Variants in VPS13B observed in about 807,000 individuals in gnomAD.
The protein encoded by VPS13B is intermembrane lipid transfer protein VPS13B.
Under a neutral mutation model 426.4 loss-of-function variants are expected in VPS13B, and 285 were observed. The ratio of observed to expected loss-of-function variants is 0.67; its 90% CI spans 0.61 to 0.74. The LOEUF (loss-of-function observed/expected upper bound fraction) is 0.74. Ranked by LOEUF, VPS13B falls within the 30% of genes least tolerant of loss-of-function variation. VPS13B has a pLI of 0.00. For missense variants in VPS13B, 4,537 were observed against 4,782.6 expected (o/e 0.95, Z 1.51); for synonymous variants, 1,676 against 1,676.4 (o/e 1.00, Z 0.01).
intron 31 of VPS13B, among the ~76,000 whole-genome samples, chr8:99,571,368 A>G (rs965583078): frequency 3.9e-5 from 6 of 152,070 alleles, no homozygotes; most frequent in Non-Finnish European, 5.9e-5. Flanking sequence ...AAGATTTTCA[A>G]TGATTTTTAA....
At chr8:99,421,484 G>A (rs991940431) in intron 21 of VPS13B, among the ~76,000 whole-genome samples, 3 of 152,080 alleles carry the variant, frequency 2.0e-5, no homozygotes, top group African/African-American at 7.2e-5. Flanking sequence ...AATAGAAAAG[G>A]CAGCATAACA....
intron 4 of VPS13B, among the ~76,000 whole-genome samples, chr8:99,101,232 C>T (rs1022900439): frequency 2.0e-5 from 3 of 152,116 alleles, no homozygotes; most frequent in African/African-American, 7.2e-5. Flanking sequence ...CCTGGGTTCA[C>T]ACCATCCTCC....
In VPS13B at chr8:99,642,127, A is replaced by G. The variant is rs745825252; in HGVS notation, c.5537A>G (p.Asp1846Gly). The G allele has an allele frequency of 1.2e-6, 2 of 1,614,156 alleles. No individual in the cohort carries two copies. Among genetic ancestry groups the G allele is most frequent in the Non-Finnish European group, 1.7e-6 (2 of 1,180,004 alleles). Residue 1846 changes from aspartate (D) to glycine (G), a missense_variant, in exon 34 of 62, where the codon GAC becomes GGC. This residue lies in a region of VPS13B where 4,311 missense variants were observed against 4,474.3 expected (regional missense o/e 0.96). Coordinates refer to ENST00000357162, the MANE Select transcript of VPS13B (RefSeq NM_152564.5). ...SQEQKNNEKT[D>G]KSSLNLPEVD... ...GAACAGAAGAATAATGAAAAAACAG[A>G]CAAGAGTTCATTAAATCTCCCAGAA... is the stretch of plus-strand genomic sequence containing the variant.
At chr8:99,848,646 C>A in intron 54 of VPS13B, 130 bp from the exon 55 acceptor site, 1 of 882,262 alleles carries the variant, frequency 1.1e-6, no homozygotes, top group South Asian at 1.3e-5. Flanking sequence ...AGCCCGTACA[C>A]ATGGATATAA....
chr8:99,612,031 G>A (rs1827864228), intron 33 of VPS13B, among the ~76,000 whole-genome samples: 1 of 151,984 alleles, frequency 6.6e-6, no homozygotes, highest in African/African-American at 2.4e-5. Context: ...TTTCAAAAGG[G>A]GGAACTGAGA....
intron 22 of VPS13B, among the ~76,000 whole-genome samples, chr8:99,433,243 G>A (rs1817206636): frequency 6.6e-6 from 1 of 152,150 alleles, no homozygotes; most frequent in Non-Finnish European, 1.5e-5. Context: ...CACCCACCAT[G>A]GGAAATGATT....
At chr8:99,245,005 C>A (rs898010458) in intron 17 of VPS13B, among the ~76,000 whole-genome samples, 1 of 152,220 alleles carries the variant, frequency 6.6e-6, no homozygotes, top group Non-Finnish European at 1.5e-5. Flanking sequence ...ACATAGAGAA[C>A]TGTAAGTGAA....
chr8:99,028,389 G>A (rs1842258987), intron 2 of VPS13B, among the ~76,000 whole-genome samples: 1 of 147,546 alleles, frequency 6.8e-6, no homozygotes, highest in South Asian at 2.1e-4. Flanking sequence ...CCGGGCGGGG[G>A]GCTGACCCCC....
At chr8:99,724,666 T>C (rs893855467) in intron 39 of VPS13B, among the ~76,000 whole-genome samples, 1 of 152,116 alleles carries the variant, frequency 6.6e-6, no homozygotes, top group African/African-American at 2.4e-5. Flanking sequence ...GCATTACACA[T>C]AGTGAGCTCT....
rs188599942 is a variant in VPS13B, at chr8:99,253,263, A to T, written c.2516-20935A>T. On this transcript the variant is annotated intron_variant, in intron 17 of 61. Coordinates refer to ENST00000357162, the MANE Select transcript of VPS13B (RefSeq NM_152564.5). ...AGAGTTAGATATTTGAGTTGTTTCC[A>T]CTTTTTGGCTATTAGAAATAATGGT... 1.7e-3 allele frequency among the ~76,000 whole-genome samples: 264 copies of T among 152,104 alleles called. 1 individual carries two copies. Among genetic ancestry groups the T allele is most frequent in the Non-Finnish European group, 3.2e-3 (215 of 67,942 alleles).
chr8:99,622,893 CTGTT>C (rs1342654774), intron 33 of VPS13B, among the ~76,000 whole-genome samples: 3 of 152,188 alleles, frequency 2.0e-5, no homozygotes, highest in African/African-American at 7.2e-5. Context: ...ACTACCTTCA[CTGTT>C]TGTCTCTCTT....
chr8:99,162,071 C>A (rs1811689356), intron 15 of VPS13B, among the ~76,000 whole-genome samples: 2 of 152,104 alleles, frequency 1.3e-5, no homozygotes, highest in Admixed American at 1.3e-4. Context: ...AGCCTTGAAT[C>A]TTGTCTTGAA....
In VPS13B at chr8:99,442,480, C is replaced by T; in HGVS notation, c.3290C>T (p.Pro1097Leu). The change falls in exon 23 of 62, where the codon CCT becomes CTT. Residue 1097 changes from proline (P) to leucine (L), a missense_variant. Transcript: ENST00000357162. The stretch of plus-strand genomic sequence containing the variant: ...AGTACAATTGTATCTGGTGACATTC[C>T]TGGAACAGTAAGAAGTTGGTACCAT... Reference protein sequence around the residue: ...SPSTIVSGDIPGTVRSWYHGQ... With the variant: ...SPSTIVSGDILGTVRSWYHGQ... 6.2e-7 allele frequency: 1 copy of T among 1,613,888 alleles called. No homozygotes were observed. The highest frequency in any genetic ancestry group is 1.1e-5 in the South Asian group (1 of 91,066).
intron 56 of VPS13B, among the ~76,000 whole-genome samples, 161 bp downstream of exon 56, chr8:99,854,417 C>T (rs1023168943): frequency 6.6e-6 from 1 of 152,166 alleles, no homozygotes; most frequent in Non-Finnish European, 1.5e-5. Flanking sequence ...TAGAGCCTGC[C>T]ACTGTTAGCT....
intron 20 of VPS13B, among the ~76,000 whole-genome samples, chr8:99,388,924 G>A (rs1262050774): frequency 6.6e-6 from 1 of 152,244 alleles, no homozygotes; most frequent in Non-Finnish European, 1.5e-5. Context: ...GCTGAGGCAG[G>A]TGGATCATGA....
chr8:99,423,645 T>C (rs146761966), intron 21 of VPS13B, among the ~76,000 whole-genome samples: 9 of 152,208 alleles, frequency 5.9e-5, no homozygotes, highest in African/African-American at 2.2e-4. Flanking sequence ...ATTTTCCCCA[T>C]ATATAAAACA....
chr8:99,740,779 A>G (rs1203701360), intron 39 of VPS13B, among the ~76,000 whole-genome samples: 1 of 152,198 alleles, frequency 6.6e-6, no homozygotes, highest in Non-Finnish European at 1.5e-5. Context: ...ATGCTGAGAG[A>G]TTTTGTCACC....
intron 19 of VPS13B, chr8:99,341,707 G>C: frequency 2.6e-6 from 1 of 387,818 alleles, no homozygotes; most frequent in South Asian, 2.4e-5. Flanking sequence ...AAATGTATTA[G>C]ATATTCTGGG....
chr8:99,222,019 A>G (rs1467025108), intron 17 of VPS13B, among the ~76,000 whole-genome samples: 1 of 152,216 alleles, frequency 6.6e-6, no homozygotes, highest in East Asian at 1.9e-4. Context: ...TTACTTATCT[A>G]CTGCTCTTGG....
Sources: allele counts gnomAD v4.1 joint callset (sites outside exome capture counted in the v4.1 genomes callset), GRCh38; gene constraint gnomAD v4.1.1; regional missense constraint gnomAD v4.1.1; transcripts MANE v1.5; gene names NCBI Gene and HGNC (gene_info 2026-07-23, HGNC 2026-07-21).